Variants in SGK1 observed in about 807,000 individuals in gnomAD.
The protein encoded by SGK1 is serine/threonine-protein kinase Sgk1.
Under a neutral mutation model 64.2 loss-of-function variants are expected in SGK1, and 26 were observed. The ratio of observed to expected loss-of-function variants is 0.40; its 90% CI spans 0.30 to 0.56. SGK1 has a LOEUF of 0.56. Ranked by LOEUF, SGK1 falls within the 20% of genes least tolerant of loss-of-function variation. The pLI, the probability that SGK1 is intolerant of heterozygous loss-of-function variation, is 0.38. For missense variants in SGK1, 519 were observed against 645.6 expected (o/e 0.80, Z 2.12); for synonymous variants, 265 against 239.7 (o/e 1.11, Z -0.98).
intron 3 of SGK1, among the ~76,000 whole-genome samples, chr6:134,191,835 A>ATTTTTTTTTTTTTTTTTTTTTT (rs71003671): frequency 1.6e-5 from 1 of 61,204 alleles, no homozygotes; most frequent in African/African-American, 6.7e-5. Flanking sequence ...CGCCCGGCTG[A>ATTTTTTTTTTTTTTTTTTTTTT]TTTTTTTTTT....
chr6:134,173,899 G>T, intron 5 of SGK1, 106 bp downstream of exon 5: 3 of 753,872 alleles, frequency 4.0e-6, no homozygotes, highest in Non-Finnish European at 4.5e-6. Flanking sequence ...AAGCATTCCT[G>T]CCTTGATACT....
chr6:134,215,634 A>T (rs1562253790), intron 2 of SGK1, among the ~76,000 whole-genome samples: 1 of 151,940 alleles, frequency 6.6e-6, no homozygotes, highest in Non-Finnish European at 1.5e-5. Flanking sequence ...TAATCCCAGC[A>T]CTGTGGGAGG....
In SGK1 at chr6:134,189,225, T is replaced by C. The variant is rs927834228; in HGVS notation, c.362-14639A>G. On this transcript the variant is annotated intron_variant, in intron 3 of 13. Coordinates refer to ENST00000367858, the MANE Select transcript of SGK1 (RefSeq NM_001143676.3). The stretch of plus-strand genomic sequence containing the variant: ...ATACAGGTGTGTGTGTGTGTGTGTG[T>C]GTGCGTGTGCGTGTGCATGTGTGTA... Among the ~76,000 whole-genome samples, 278 of 143,260 alleles carry C rather than the reference T, an allele frequency of 1.9e-3. 1 individual carries two copies. The highest frequency in any genetic ancestry group is 6.7e-3 in the African/African-American group (265 of 39,600). 94.0% of individuals were successfully genotyped at this position (143,260 alleles called of 152,430 possible).
At chr6:134,195,959 T>C (rs1775588717) in intron 3 of SGK1, among the ~76,000 whole-genome samples, 2 of 152,224 alleles carry the variant, frequency 1.3e-5, no homozygotes, top group Non-Finnish European at 2.9e-5. Flanking sequence ...GAAAGTGTAA[T>C]CCTAGATAAA....
chr6:134,178,360 C>A (rs2114650268), intron 3 of SGK1, among the ~76,000 whole-genome samples: 1 of 152,204 alleles, frequency 6.6e-6, no homozygotes, highest in African/African-American at 2.4e-5. Context: ...CTGTTCTGTC[C>A]CAGCAACCTA....
At chr6:134,301,715 C>T (rs1324137166) in intron 1 of SGK1, among the ~76,000 whole-genome samples, 7 of 152,046 alleles carry the variant, frequency 4.6e-5, no homozygotes, top group African/African-American at 7.2e-5. Flanking sequence ...CTCAGCCTCC[C>T]GAGTAACTGG....
intron 2 of SGK1, among the ~76,000 whole-genome samples, chr6:134,221,703 A>G (rs1582722278): frequency 6.7e-6 from 1 of 149,954 alleles, no homozygotes; most frequent in South Asian, 2.1e-4. Flanking sequence ...CCTAGGCTGG[A>G]GTGCAGAGGC....
chr6:134,298,626 G>A (rs1427992463), intron 1 of SGK1: 4 of 1,279,750 alleles, frequency 3.1e-6, no homozygotes, highest in African/African-American at 1.5e-5. Context: ...ACTCGTGTAG[G>A]AGCGGCTGCT....
At chr6:134,173,395 C>T (rs776191642) in intron 6 of SGK1, 38 bp from the exon 7 acceptor site, 15 of 1,589,840 alleles carry the variant, frequency 9.4e-6, no homozygotes, top group Non-Finnish European at 1.3e-5. Context: ...TTTCTATCCT[C>T]ATCCAGGGAG....
intron 1 of SGK1, among the ~76,000 whole-genome samples, chr6:134,276,328 G>A (rs562797056): frequency 2.8e-4 from 42 of 152,304 alleles, no homozygotes; most frequent in African/African-American, 4.6e-4. Flanking sequence ...GTGTTAAAGC[G>A]AGCATGAGTT....
intron 1 of SGK1, among the ~76,000 whole-genome samples, chr6:134,265,989 A>G (rs1368392753): frequency 1.3e-5 from 2 of 150,476 alleles, no homozygotes; most frequent in Non-Finnish European, 3.0e-5. Context: ...TTATTCATTT[A>G]TTTATATTTA....
In SGK1 at chr6:134,274,442, G is replaced by T. The variant is rs139270809; in HGVS notation, c.70-12294C>A. Among the ~76,000 whole-genome samples the T allele has an allele frequency of 1.9e-3, 286 of 152,236 alleles. 2 individuals are homozygous for T. Among genetic ancestry groups the T allele is most frequent in the African/African-American group, 6.6e-3 (276 of 41,558 alleles). On this transcript the variant is annotated intron_variant, in intron 1 of 13. Transcript: ENST00000367858. ...TAGTAGCTTTGGGAATGGAAAGGAG[G>T]AAACAATAATCAAATCTACTTTTAG... is the stretch of plus-strand genomic sequence containing the variant.
chr6:134,315,967 C>A (rs1777679167), intron 1 of SGK1, among the ~76,000 whole-genome samples: 1 of 152,182 alleles, frequency 6.6e-6, no homozygotes, highest in South Asian at 2.1e-4. Context: ...AACTAAGAAG[C>A]CTTGTGGAGC....
chr6:134,261,194 A>G (rs1401899302), intron 2 of SGK1: 1 of 152,214 alleles, frequency 6.6e-6, no homozygotes, highest in Non-Finnish European at 1.5e-5. Flanking sequence ...GAGAAAAATA[A>G]TGAAAAGTAT....
At position 134,169,582 on chromosome 6, in the gene SGK1, T is replaced by C. The variant is rs1774940942; in HGVS notation, c.*686A>G. The C allele has an allele frequency of 6.6e-6, 1 of 152,646 alleles. No individual in the cohort carries two copies. The highest frequency in any genetic ancestry group is 1.5e-5 in the Non-Finnish European group (1 of 68,042). 9.5% of individuals were successfully genotyped at this position (152,646 alleles called of 1,614,324 possible). Reference sequence around the variant, plus strand: ...GGGGCATTGGTCCATAAAAACCCTTTCTAAAAATAGAAATATTTGTAGCAG... The same window carrying C: ...GGGGCATTGGTCCATAAAAACCCTTCCTAAAAATAGAAATATTTGTAGCAG... On this transcript the variant is annotated 3_prime_UTR_variant, in exon 14 of 14. Transcript: ENST00000367858.
At chr6:134,194,437 C>A (rs149161244) in intron 3 of SGK1, among the ~76,000 whole-genome samples, 1 of 152,208 alleles carries the variant, frequency 6.6e-6, no homozygotes, top group Non-Finnish European at 1.5e-5. Flanking sequence ...CTCTCTGAGC[C>A]TCCTTTGGTT....
At chr6:134,210,862 A>G (rs1582713583) in intron 2 of SGK1, among the ~76,000 whole-genome samples, 1 of 147,160 alleles carries the variant, frequency 6.8e-6, no homozygotes, top group African/African-American at 2.5e-5. Context: ...ATGGTGGCTC[A>G]CGCCTGTAAT....
intron 3 of SGK1, among the ~76,000 whole-genome samples, chr6:134,178,322 G>C (rs972644478): frequency 6.6e-6 from 1 of 152,094 alleles, no homozygotes; most frequent in South Asian, 2.1e-4. Flanking sequence ...CTTCCAACCG[G>C]ATACGTGATG....
chr6:134,309,577 CT>C (rs1372326412), intron 1 of SGK1, among the ~76,000 whole-genome samples: 1 of 151,496 alleles, frequency 6.6e-6, no homozygotes, highest in Non-Finnish European at 1.5e-5. Flanking sequence ...CCAGAACCAC[CT>C]GCTTTCCCAT....
Sources: allele counts gnomAD v4.1 joint callset (sites outside exome capture counted in the v4.1 genomes callset), GRCh38; gene constraint gnomAD v4.1.1; transcripts MANE v1.5; gene names NCBI Gene and HGNC (gene_info 2026-07-23, HGNC 2026-07-21).